SLC17A5: variants seen among roughly 807,000 people sequenced by gnomAD.
SLC17A5 encodes sialin.
SLC17A5 carries 47 observed loss-of-function variants against 59.4 expected under a neutral mutation model. That is an observed-to-expected ratio of 0.79 (90% CI 0.63 to 1.01). SLC17A5 has a LOEUF of 1.01. Among genes scored for constraint, SLC17A5 ranks in the 50% least tolerant of loss-of-function variants. The pLI, the probability that SLC17A5 is intolerant of heterozygous loss-of-function variation, is 0.00. For synonymous variants in SLC17A5, 202 were observed against 210.7 expected, an observed-to-expected ratio of 0.96 and a Z score of 0.36; for missense variants, 522 against 595.5, an observed-to-expected ratio of 0.88 and a Z score of 1.28.
Position 73,653,928 on chromosome 6 carries a change from G to C in SLC17A5, c.-42C>G. 6.5e-7 allele frequency: 1 copy of C among 1,532,560 alleles called. No homozygotes were observed. The highest frequency in any genetic ancestry group is 8.9e-7 in the Non-Finnish European group (1 of 1,127,558). 94.9% of individuals were successfully genotyped at this position (1,532,560 alleles called of 1,614,324 possible). ...GGTGTACTCGCCACCTGGCAGAGAA[G>C]GGAGCGCCGGCCCGACAGCCCGAAG... On this transcript the variant is annotated 5_prime_UTR_variant, in exon 1 of 11. Transcript: ENST00000355773.
chr6:73,628,884 T>C (rs1398068871), intron 6 of SLC17A5, among the ~76,000 whole-genome samples: 1 of 148,564 alleles, frequency 6.7e-6, no homozygotes, highest in Non-Finnish European at 1.5e-5. Flanking sequence ...GAATATATTC[T>C]AATATGCCAT....
chr6:73,651,396 G>A (rs1769854722), intron 1 of SLC17A5, among the ~76,000 whole-genome samples: 2 of 142,608 alleles, frequency 1.4e-5, no homozygotes, highest in Non-Finnish European at 3.0e-5. Flanking sequence ...GGGAGGCTGA[G>A]GCTGCAGTGA....
At chr6:73,610,095 G>A (rs923570034) in intron 9 of SLC17A5, among the ~76,000 whole-genome samples, 1 of 151,556 alleles carries the variant, frequency 6.6e-6, no homozygotes, top group Admixed American at 6.6e-5. Context: ...GTGCAATGAT[G>A]CGATCTCAGC....
chr6:73,652,567 A>G (rs1328778807), intron 1 of SLC17A5, among the ~76,000 whole-genome samples: 1 of 152,250 alleles, frequency 6.6e-6, no homozygotes, highest in Non-Finnish European at 1.5e-5. Context: ...TCTGGCAAAT[A>G]TCTTTATTAT....
chr6:73,653,261 G>C (rs1385504962), intron 1 of SLC17A5: 9 of 985,308 alleles, frequency 9.1e-6, no homozygotes, highest in African/African-American at 3.5e-5. Flanking sequence ...CGCCTAAGAA[G>C]CTACCAGGTC....
chr6:73,626,399 C>T (rs1016316745), intron 6 of SLC17A5, among the ~76,000 whole-genome samples: 6 of 152,144 alleles, frequency 3.9e-5, no homozygotes, highest in African/African-American at 1.4e-4. Context: ...AATCTAGGTA[C>T]AACACAACAG....
intron 6 of SLC17A5, 44 bp downstream of exon 6, chr6:73,635,338 A>G (rs573780224): frequency 4.1e-5 from 45 of 1,098,816 alleles, no homozygotes; most frequent in Admixed American, 1.7e-4. Flanking sequence ...TTCTGAAGAA[A>G]AAAAGTTTCT....
chr6:73,643,927 A>G (rs780080744), intron 2 of SLC17A5, among the ~76,000 whole-genome samples: 22 of 152,204 alleles, frequency 1.4e-4, no homozygotes, highest in Non-Finnish European at 2.6e-4. Context: ...GGCAGGCAAA[A>G]TGACTTATGT....
chr6:73,620,525 T>C (rs535861279), intron 7 of SLC17A5, among the ~76,000 whole-genome samples: 2 of 152,304 alleles, frequency 1.3e-5, no homozygotes, highest in East Asian at 3.9e-4. Context: ...TATTTCTATA[T>C]AGTGATCTTG....
chr6:73,635,219 C>T, intron 6 of SLC17A5, 163 bp downstream of exon 6: 2 of 538,544 alleles, frequency 3.7e-6, no homozygotes, highest in Non-Finnish European at 6.6e-6. Context: ...CAAGTGTGAG[C>T]CACTGCACCC....
At chr6:73,609,843 A>T (rs1767567996) in intron 9 of SLC17A5, among the ~76,000 whole-genome samples, 1 of 152,196 alleles carries the variant, frequency 6.6e-6, no homozygotes, top group Non-Finnish European at 1.5e-5. Flanking sequence ...TAGAGGCAGA[A>T]AGTAGAATGT....
chr6:73,634,604 T>A (rs1469726149), intron 6 of SLC17A5, among the ~76,000 whole-genome samples: 1 of 152,174 alleles, frequency 6.6e-6, no homozygotes, highest in Non-Finnish European at 1.5e-5. Context: ...TTTGTCATGT[T>A]GGCCGGGCTG....
At chr6:73,651,796 G>A (rs1207566971) in intron 1 of SLC17A5, among the ~76,000 whole-genome samples, 1 of 151,970 alleles carries the variant, frequency 6.6e-6, no homozygotes, top group Non-Finnish European at 1.5e-5. Flanking sequence ...CAGGTGATCC[G>A]CCCGCCTCGG....
At chr6:73,651,799 C>T (rs1443856045) in intron 1 of SLC17A5, among the ~76,000 whole-genome samples, 1 of 152,046 alleles carries the variant, frequency 6.6e-6, no homozygotes, top group African/African-American at 2.4e-5. Flanking sequence ...GTGATCCGCC[C>T]GCCTCGGCCT....
chr6:73,623,009 C>CAAG (rs1768224317), intron 6 of SLC17A5, among the ~76,000 whole-genome samples: 1 of 152,094 alleles, frequency 6.6e-6, no homozygotes, highest in Non-Finnish European at 1.5e-5. Context: ...TGTTTGCCCT[C>CAAG]AGAGTATTAT....
At chr6:73,617,206 G>A (rs969573121) in intron 7 of SLC17A5, among the ~76,000 whole-genome samples, 3 of 151,788 alleles carry the variant, frequency 2.0e-5, no homozygotes, top group Non-Finnish European at 4.4e-5. Flanking sequence ...CAGAAGAATC[G>A]CTTGAACCTG....
intron 1 of SLC17A5, chr6:73,645,251 AG>A (rs1581990816): frequency 2.2e-6 from 2 of 895,794 alleles, no homozygotes; most frequent in African/African-American, 3.6e-5. Context: ...TTTACTGCCA[AG>A]GGTAGGGCAT....
Position 73,600,540 on chromosome 6 carries a change from ACTCTGTGGCCCAGG to A in SLC17A5, c.1260-113_1260-100del. On this transcript the variant is annotated intron_variant, in intron 9 of 10. Transcript: ENST00000355773. The stretch of plus-strand genomic sequence containing the variant: ...TTTTTTTTTTTTGAGACAGAGTCTC[ACTCTGTGGCCCAGG>A]CTTGAGGGCAGTGGGATGATCTCAG... 3 of 943,624 alleles carry A rather than the reference ACTCTGTGGCCCAGG, an allele frequency of 3.2e-6. No individual in the cohort carries two copies. The South Asian group carries it at 4.3e-5, about 14-fold the overall frequency. The allele number at this position is 943,624 out of a possible 1,614,324, so 58.5% of individuals were successfully genotyped here.
chr6:73,648,449 T>C (rs1054134324), intron 1 of SLC17A5, among the ~76,000 whole-genome samples: 5 of 152,212 alleles, frequency 3.3e-5, no homozygotes, highest in Non-Finnish European at 7.3e-5. Context: ...CAGGCTAATT[T>C]AGAGTGGGAC....
Sources: allele counts gnomAD v4.1 joint callset (sites outside exome capture counted in the v4.1 genomes callset), GRCh38; gene constraint gnomAD v4.1.1; transcripts MANE v1.5; gene names NCBI Gene and HGNC (gene_info 2026-07-23, HGNC 2026-07-21).